The following SV2C variants were observed in gnomAD, a reference collection of about 807,000 sequenced individuals.
SV2C encodes solute carrier family 22 member B3.
SV2C carries 49 observed loss-of-function variants against 79.7 expected under a neutral mutation model. The observed-to-expected ratio is 0.61, with a 90% CI of 0.49 to 0.78. The LOEUF is 0.78. Among genes scored for constraint, SV2C ranks in the 30% least tolerant of loss-of-function variants. SV2C has a pLI of 0.00. For missense variants in SV2C, 833 were observed against 912.9 expected, an observed-to-expected ratio of 0.91 and a Z score of 1.13; for synonymous variants, 334 against 333.2, an observed-to-expected ratio of 1.00 and a Z score of -0.03.
At chr5:76,265,564 A>C (rs1746625496) in intron 4 of SV2C, among the ~76,000 whole-genome samples, 1 of 152,228 alleles carries the variant, frequency 6.6e-6, no homozygotes, top group Admixed American at 6.5e-5. Flanking sequence ...CTGCCTGAAC[A>C]GTTGCCCAAT....
At chr5:76,049,007 G>GAAAGAAAGAAAGAAAGAA in the SV2C span, among the ~76,000 whole-genome samples, 3 of 88,892 alleles carry the variant, frequency 3.4e-5, no homozygotes, top group African/African-American at 1.2e-4. Context: ...AAGAAAGAAA[G>GAAAGAAAGAAAGAAAGAA]AAAGAAAGAA....
the SV2C span, among the ~76,000 whole-genome samples, chr5:76,020,041 G>A: frequency 6.6e-6 from 1 of 152,318 alleles, no homozygotes; most frequent in Non-Finnish European, 1.5e-5. Context: ...TACTGAGGCT[G>A]TGTGGGAATT....
chr5:75,986,725 C>G, the SV2C span, among the ~76,000 whole-genome samples: 3 of 151,978 alleles, frequency 2.0e-5, no homozygotes, highest in Non-Finnish European at 4.4e-5. Flanking sequence ...TTCTCACTAG[C>G]TGGAGATGGT....
chr5:76,125,183 G>A (rs996587134), intron 1 of SV2C, among the ~76,000 whole-genome samples: 4 of 152,028 alleles, frequency 2.6e-5, no homozygotes, highest in African/African-American at 9.7e-5. Flanking sequence ...ATGACTTATT[G>A]CTTTAAAAAT....
chr5:76,144,870 A>C (rs1423996136), intron 2 of SV2C, among the ~76,000 whole-genome samples: 5 of 152,220 alleles, frequency 3.3e-5, no homozygotes, highest in Non-Finnish European at 5.9e-5. Flanking sequence ...GTGTCTAATT[A>C]ACTTAAAATA....
the SV2C span, among the ~76,000 whole-genome samples, chr5:76,011,333 T>C: frequency 6.6e-6 from 1 of 152,144 alleles, no homozygotes; most frequent in Admixed American, 6.5e-5. Context: ...ACCCTCAAAA[T>C]AACTAGTATA....
intron 4 of SV2C, 46 bp downstream of exon 4, chr5:76,209,933 T>C (rs1744721336): frequency 6.4e-7 from 1 of 1,564,422 alleles, no homozygotes; most frequent in Non-Finnish European, 8.7e-7. Flanking sequence ...TTCATTTTGC[T>C]TCAGGCTCCA....
chr5:76,153,802 A>G (rs139636863), intron 2 of SV2C, among the ~76,000 whole-genome samples: 17 of 152,328 alleles, frequency 1.1e-4, no homozygotes, highest in African/African-American at 3.8e-4. Flanking sequence ...GAAAGAAAGA[A>G]TGGACAGAGG....
downstream of SV2C, among the ~76,000 whole-genome samples, chr5:76,335,574 C>G (rs1227307747): frequency 6.6e-6 from 1 of 152,044 alleles, no homozygotes; most frequent in Admixed American, 6.5e-5. Flanking sequence ...TGCGGCCCTC[C>G]GCAGTGTTTG....
the SV2C span, among the ~76,000 whole-genome samples, chr5:76,009,148 A>G: frequency 6.6e-6 from 1 of 152,148 alleles, no homozygotes; most frequent in Non-Finnish European, 1.5e-5. Context: ...TTGGCCAATA[A>G]ACACATACAA....
At chr5:76,067,549 TATA>T in the SV2C span, among the ~76,000 whole-genome samples, 14 of 152,074 alleles carry the variant, frequency 9.2e-5, no homozygotes, top group Non-Finnish European at 1.3e-4. Context: ...TTAATAATTT[TATA>T]ATAACTCTTT....
intron 3 of SV2C, among the ~76,000 whole-genome samples, chr5:76,200,525 C>A (rs546462026): frequency 1.3e-5 from 2 of 152,328 alleles, no homozygotes; most frequent in African/African-American, 4.8e-5. Context: ...TTGATTTTAT[C>A]AAAAATGCTA....
At chr5:75,912,762 A>G in the SV2C span, among the ~76,000 whole-genome samples, 1 of 152,136 alleles carries the variant, frequency 6.6e-6, no homozygotes, top group South Asian at 2.1e-4. Flanking sequence ...AGAGGAGAGG[A>G]AACAAACCAA....
At chr5:76,300,454 C>T (rs977516910) in intron 10 of SV2C, among the ~76,000 whole-genome samples, 3 of 151,998 alleles carry the variant, frequency 2.0e-5, no homozygotes, top group South Asian at 2.1e-4. Context: ...TAGCAATGGC[C>T]GACCATAGGA....
intron 2 of SV2C, among the ~76,000 whole-genome samples, chr5:76,193,823 C>G (rs1744181667): frequency 6.6e-6 from 1 of 152,164 alleles, no homozygotes; most frequent in South Asian, 2.1e-4. Context: ...CCTCAGTTTT[C>G]TCATCTGTAA....
At chr5:76,047,275 A>G in the SV2C span, among the ~76,000 whole-genome samples, 2 of 152,200 alleles carry the variant, frequency 1.3e-5, no homozygotes, top group African/African-American at 2.4e-5. Context: ...CACCCTCAAG[A>G]GTAACCCATG....
Position 76,188,656 on chromosome 5 carries a change from A to G in SV2C, c.581-6263A>G, listed in dbSNP as rs77668140. On this transcript the variant is annotated intron_variant, in intron 2 of 12. Transcript: ENST00000502798. ...TTCACTTCTCAGCACTATTAATGAAAGAATTTAATAGAACAAGTACTGAGC... is the reference window on the plus strand; with the variant it reads ...TTCACTTCTCAGCACTATTAATGAAGGAATTTAATAGAACAAGTACTGAGC... Among the ~76,000 whole-genome samples the G allele has an allele frequency of 1.5e-3, 234 of 152,370 alleles. 2 individuals carry two copies. The highest frequency in any genetic ancestry group is 5.4e-3 in the African/African-American group (224 of 41,590).
At chr5:75,929,227 C>T in the SV2C span, among the ~76,000 whole-genome samples, 5 of 152,082 alleles carry the variant, frequency 3.3e-5, no homozygotes, top group Admixed American at 3.3e-4. Flanking sequence ...ACACATCAAC[C>T]ACCTCGCTCT....
intron 1 of SV2C, among the ~76,000 whole-genome samples, chr5:76,117,734 T>C (rs1247567137): frequency 6.6e-6 from 1 of 152,084 alleles, no homozygotes; most frequent in Non-Finnish European, 1.5e-5. Context: ...CCCTTCCTCA[T>C]ATAACAAAAA....
Sources: allele counts gnomAD v4.1 joint callset (sites outside exome capture counted in the v4.1 genomes callset), GRCh38; gene constraint gnomAD v4.1.1; transcripts MANE v1.5; gene names NCBI Gene and HGNC (gene_info 2026-07-23, HGNC 2026-07-21).